Variants in EXOC4 observed in about 807,000 individuals in gnomAD.
EXOC4 encodes the protein SEC8-like 1.
Under a neutral mutation model 107.2 loss-of-function variants are expected in EXOC4, and 71 were observed. The ratio of observed to expected loss-of-function variants is 0.66; its 90% CI spans 0.55 to 0.81. The LOEUF is 0.81. Ranked by LOEUF, EXOC4 falls within the 30% of genes least tolerant of loss-of-function variation. EXOC4 has a pLI of 0.00. For missense variants in EXOC4, 1,108 were observed against 1,189.6 expected (o/e 0.93, Z 1.01); for synonymous variants, 456 against 441.2 (o/e 1.03, Z -0.42).
chr7:133,499,486 A>G (rs919446943), intron 9 of EXOC4, among the ~76,000 whole-genome samples: 1 of 152,206 alleles, frequency 6.6e-6, no homozygotes, highest in Non-Finnish European at 1.5e-5. Context: ...GAAGGAAGCT[A>G]AGAGAAACTA....
intron 10 of EXOC4, among the ~76,000 whole-genome samples, chr7:133,652,770 T>G (rs1036911721): frequency 2.9e-4 from 44 of 152,318 alleles, no homozygotes; most frequent in South Asian, 1.2e-3. Flanking sequence ...TTCAACTGTT[T>G]CTACATTCCA....
chr7:133,450,792 C>A (rs559504925), intron 7 of EXOC4, among the ~76,000 whole-genome samples: 17 of 152,232 alleles, frequency 1.1e-4, no homozygotes, highest in East Asian at 9.7e-4. Context: ...AAACATAAAT[C>A]GTTTTCCATG....
chr7:133,269,488 T>C (rs1793813722), intron 1 of EXOC4, among the ~76,000 whole-genome samples: 1 of 152,252 alleles, frequency 6.6e-6, no homozygotes, highest in Non-Finnish European at 1.5e-5. Flanking sequence ...AGATTAGGTA[T>C]GCAAAATAAC....
chr7:133,480,151 G>A lies in EXOC4; in HGVS notation c.1417+13G>A. 1.2e-6 allele frequency: 2 copies of A among 1,613,190 alleles called. No individual in the cohort carries two copies. The highest frequency in any genetic ancestry group is 8.5e-7 in the Non-Finnish European group (1 of 1,179,354). ...GGAGAACTGCAAGGTGAGTGATTGA[G>A]CTTCTCTGGAAAAATTAATTTTCTG... On this transcript the variant is annotated intron_variant, in intron 9 of 17. Transcript: ENST00000253861.
At chr7:133,492,328 G>C (rs1288918810) in intron 9 of EXOC4, among the ~76,000 whole-genome samples, 1 of 152,076 alleles carries the variant, frequency 6.6e-6, no homozygotes, top group African/African-American at 2.4e-5. Flanking sequence ...TGGTGTCTTG[G>C]GTAGGTAATG....
At chr7:133,830,369 C>T (rs903919024) in intron 11 of EXOC4, among the ~76,000 whole-genome samples, 63 of 152,332 alleles carry the variant, frequency 4.1e-4, no homozygotes, top group Admixed American at 2.2e-3. Context: ...GCTGGCCTGC[C>T]AGTTAATTTC....
rs538975021 is a variant in EXOC4 at position 133,886,848 on chromosome 7, AT to A, written c.1735-8748del. ...CAACATTTATCTGTCAGAGCCACTGATTTGGAAATTGTTATAAATTCTTGAA... is the reference window on the plus strand; with the variant it reads ...CAACATTTATCTGTCAGAGCCACTGATTGGAAATTGTTATAAATTCTTGAA... On this transcript the variant is annotated intron_variant, in intron 11 of 17. Coordinates refer to ENST00000253861, the MANE Select transcript of EXOC4 (RefSeq NM_021807.4). Among the ~76,000 whole-genome samples the A allele has an allele frequency of 4.9e-4, 75 of 152,312 alleles. 2 individuals carry two copies. In the South Asian group the frequency reaches 0.015, roughly 30 times the overall value.
intron 14 of EXOC4, among the ~76,000 whole-genome samples, chr7:133,987,081 G>T (rs1794131976): frequency 6.6e-6 from 1 of 152,014 alleles, no homozygotes; most frequent in Non-Finnish European, 1.5e-5. Context: ...TTTCAGAGTT[G>T]TCTTAAGACC....
intron 14 of EXOC4, among the ~76,000 whole-genome samples, chr7:133,958,615 T>A (rs780783304): frequency 2.0e-5 from 3 of 152,266 alleles, no homozygotes; most frequent in Non-Finnish European, 4.4e-5. Context: ...ATTCCAGAAG[T>A]TCTTTTTTAA....
intron 12 of EXOC4, among the ~76,000 whole-genome samples, chr7:133,900,832 A>G (rs1371100690): frequency 6.6e-6 from 1 of 152,142 alleles, no homozygotes; most frequent in African/African-American, 2.4e-5. Context: ...GATTTTTGTA[A>G]AACACAAATT....
At chr7:133,322,566 C>T (rs1056666958) in intron 5 of EXOC4, among the ~76,000 whole-genome samples, 2 of 152,114 alleles carry the variant, frequency 1.3e-5, no homozygotes, top group African/African-American at 2.4e-5. Flanking sequence ...TGTTCTGTTC[C>T]ATTCTTCTGT....
chr7:133,878,400 A>G (rs1333497614), intron 11 of EXOC4, among the ~76,000 whole-genome samples: 2 of 152,190 alleles, frequency 1.3e-5, no homozygotes, highest in South Asian at 2.1e-4. Context: ...CATCTTCTGT[A>G]TTTGTCTGAT....
At chr7:133,908,208 TACTC>T (rs1166009080) in intron 12 of EXOC4, among the ~76,000 whole-genome samples, 1 of 152,196 alleles carries the variant, frequency 6.6e-6, no homozygotes, top group Non-Finnish European at 1.5e-5. Flanking sequence ...GGAAAGAAAA[TACTC>T]AGTAAAGTAT....
intron 14 of EXOC4, among the ~76,000 whole-genome samples, chr7:133,995,383 T>TAG (rs1794365584): frequency 1.3e-5 from 2 of 152,210 alleles, no homozygotes; most frequent in Non-Finnish European, 2.9e-5. Context: ...CATTGATACG[T>TAG]AGATAACTCT....
intron 7 of EXOC4, among the ~76,000 whole-genome samples, chr7:133,409,447 A>G (rs567491654): frequency 6.6e-6 from 1 of 152,322 alleles, no homozygotes; most frequent in East Asian, 1.9e-4. Context: ...GCTATGAGAG[A>G]CAGAATATGC....
chr7:133,294,852 C>G (rs1317691431), intron 3 of EXOC4, among the ~76,000 whole-genome samples: 5 of 152,006 alleles, frequency 3.3e-5, no homozygotes, highest in Non-Finnish European at 7.4e-5. Context: ...TGAATGTCAG[C>G]ATGGGTCTTA....
At chr7:133,864,684 C>T (rs536145685) in intron 11 of EXOC4, among the ~76,000 whole-genome samples, 2 of 152,242 alleles carry the variant, frequency 1.3e-5, no homozygotes, top group African/African-American at 4.8e-5. Context: ...GATCTTCTGT[C>T]ACTAAAACTT....
chr7:133,621,243 A>G (rs1007663355), intron 9 of EXOC4, among the ~76,000 whole-genome samples: 3 of 152,086 alleles, frequency 2.0e-5, no homozygotes, highest in Non-Finnish European at 4.4e-5. Flanking sequence ...TATTGTAAGG[A>G]GATAATTGAG....
At chr7:133,613,119 C>A (rs1247102732) in intron 9 of EXOC4, among the ~76,000 whole-genome samples, 1 of 152,006 alleles carries the variant, frequency 6.6e-6, no homozygotes, top group Non-Finnish European at 1.5e-5. Context: ...CATGAATGCA[C>A]AAACTATATA....
Sources: allele counts gnomAD v4.1 joint callset (sites outside exome capture counted in the v4.1 genomes callset), GRCh38; gene constraint gnomAD v4.1.1; transcripts MANE v1.5; gene names NCBI Gene and HGNC (gene_info 2026-07-23, HGNC 2026-07-21).